Variants in UBE2L3 observed in about 807,000 individuals in gnomAD.
The protein encoded by UBE2L3 is ubiquitin conjugating enzyme E2 L3, also known as ubiquitin-conjugating enzyme E2 L3.
In UBE2L3, 1 loss-of-function variant was observed where a neutral mutation model predicts 17.8. That is an observed-to-expected ratio of 0.06 (90% CI 0.02 to 0.27). UBE2L3 has a LOEUF of 0.27. Ranked by LOEUF, UBE2L3 falls within the 10% of genes least tolerant of loss-of-function variation. The pLI is 1.00. For missense variants in UBE2L3, 40 were observed against 192.6 expected (o/e 0.21, Z 4.69); for synonymous variants, 44 against 68.5 (o/e 0.64, Z 1.76).
intron 1 of UBE2L3, among the ~76,000 whole-genome samples, chr22:21,568,776 A>G (rs933642104): frequency 1.3e-5 from 2 of 152,064 alleles, no homozygotes; most frequent in Non-Finnish European, 2.9e-5. Flanking sequence ...CTGAGGGGAG[A>G]TAAAGAGCTG....
At chr22:21,563,730 C>T (rs1479039677), upstream of UBE2L3, among the ~76,000 whole-genome samples, 1 of 150,970 alleles carries the variant, frequency 6.6e-6, no homozygotes, top group Admixed American at 6.6e-5. Context: ...GCACCCTCCA[C>T]CACACCCAGC....
intron 1 of UBE2L3, among the ~76,000 whole-genome samples, chr22:21,560,265 T>C (rs1233144650): frequency 1.6e-4 from 25 of 152,272 alleles, no homozygotes; most frequent in Admixed American, 7.2e-4. Context: ...TTGCAGGGTC[T>C]TGCCCTCTGG....
chr22:21,579,489 G>A (rs1011554954), intron 1 of UBE2L3, among the ~76,000 whole-genome samples: 11 of 152,126 alleles, frequency 7.2e-5, no homozygotes, highest in Non-Finnish European at 1.6e-4. Context: ...ATGATTTAGT[G>A]GCCAGGCACG....
At chr22:21,585,706 G>A (rs1270147059) in intron 1 of UBE2L3, among the ~76,000 whole-genome samples, 1 of 152,148 alleles carries the variant, frequency 6.6e-6, no homozygotes, top group Admixed American at 6.6e-5. Flanking sequence ...CTGGTGATAG[G>A]CAGGACAGTT....
intron 1 of UBE2L3, among the ~76,000 whole-genome samples, chr22:21,569,515 A>G (rs1926843739): frequency 6.6e-6 from 1 of 152,024 alleles, no homozygotes; most frequent in South Asian, 2.1e-4. Flanking sequence ...TCCTCCCCAG[A>G]CTACCCCTGA....
At chr22:21,599,679 A>G (rs1928749172) in intron 2 of UBE2L3, among the ~76,000 whole-genome samples, 1 of 152,242 alleles carries the variant, frequency 6.6e-6, no homozygotes, top group Admixed American at 6.5e-5. Context: ...GCATAGATGT[A>G]CAGAAATTAA....
chr22:21,617,563 G>A (rs771504296), intron 3 of UBE2L3, among the ~76,000 whole-genome samples: 3 of 152,034 alleles, frequency 2.0e-5, no homozygotes, highest in South Asian at 2.1e-4. Flanking sequence ...TGCTGCGCCC[G>A]GCCTGTTGTA....
intron 1 of UBE2L3, among the ~76,000 whole-genome samples, chr22:21,581,777 G>A: frequency 6.6e-6 from 1 of 151,058 alleles, no homozygotes; most frequent in African/African-American, 2.4e-5. Context: ...ACTCCAACCT[G>A]GGCAACAATA....
chr22:21,616,823 T>G (rs1929803506), intron 3 of UBE2L3, among the ~76,000 whole-genome samples: 1 of 152,042 alleles, frequency 6.6e-6, no homozygotes, highest in Non-Finnish European at 1.5e-5. Flanking sequence ...ACATTGACAT[T>G]TTATTCTTTG....
At chr22:21,573,905 ACCT>A (rs1361043548) in intron 1 of UBE2L3, among the ~76,000 whole-genome samples, 4 of 151,860 alleles carry the variant, frequency 2.6e-5, no homozygotes, top group Non-Finnish European at 5.9e-5. Context: ...GAGCTAGGAG[ACCT>A]CCCTCTGCCA....
chr22:21,573,896 A>G (rs1200641081), intron 1 of UBE2L3, among the ~76,000 whole-genome samples: 1 of 152,202 alleles, frequency 6.6e-6, no homozygotes, highest in Non-Finnish European at 1.5e-5. Context: ...GTTCCTCCAG[A>G]GCTAGGAGAC....
intron 3 of UBE2L3, among the ~76,000 whole-genome samples, 176 bp downstream of exon 3, chr22:21,611,219 T>G (rs1228059788): frequency 6.6e-6 from 1 of 152,164 alleles, no homozygotes; most frequent in African/African-American, 2.4e-5. Context: ...ACTTTTGACC[T>G]GTATAGGGTT....
At chr22:21,616,424 G>A (rs1929776500) in intron 3 of UBE2L3, among the ~76,000 whole-genome samples, 1 of 152,020 alleles carries the variant, frequency 6.6e-6, no homozygotes, top group Non-Finnish European at 1.5e-5. Context: ...GCCGAGGTGG[G>A]CGGATCACAA....
At chr22:21,565,032 C>A (rs1379786985), upstream of UBE2L3, among the ~76,000 whole-genome samples, 1 of 151,884 alleles carries the variant, frequency 6.6e-6, no homozygotes, top group African/African-American at 2.4e-5. Context: ...CCTCCTTTAC[C>A]GTGTCAAGCC....
intron 3 of UBE2L3, among the ~76,000 whole-genome samples, chr22:21,620,132 A>G (rs1450634337): frequency 6.6e-6 from 1 of 152,066 alleles, no homozygotes; most frequent in African/African-American, 2.4e-5. Flanking sequence ...CATCTCTACA[A>G]AAAACTAGGC....
intron 2 of UBE2L3, among the ~76,000 whole-genome samples, chr22:21,606,291 TGTGCGC>T (rs1469637240): frequency 1.4e-5 from 2 of 138,430 alleles, no homozygotes; most frequent in African/African-American, 2.5e-5. Context: ...TGCAGGAAAG[TGTGCGC>T]GCGCGCGTGT....
intron 1 of UBE2L3, among the ~76,000 whole-genome samples, chr22:21,580,682 C>G (rs1927570310): frequency 6.6e-6 from 1 of 151,974 alleles, no homozygotes; most frequent in African/African-American, 2.4e-5. Context: ...GAACTCCTGA[C>G]CTTGTGATCC....
At chr22:21,594,126 C>T (rs1487605632) in intron 2 of UBE2L3, among the ~76,000 whole-genome samples, 1 of 152,258 alleles carries the variant, frequency 6.6e-6, no homozygotes, top group East Asian at 1.9e-4. Context: ...CATCCACTCA[C>T]CTTCTCTGTT....
chr22:21,587,685 T>C (rs1182102140), intron 1 of UBE2L3, among the ~76,000 whole-genome samples: 5 of 152,230 alleles, frequency 3.3e-5, no homozygotes, highest in Non-Finnish European at 7.3e-5. Context: ...CAGTGTCCTG[T>C]TCTCCCATCT....
Sources: gnomAD v4.1 joint callset for allele counts (sites outside exome capture counted in the v4.1 genomes callset) on GRCh38, gnomAD v4.1.1 for gene constraint, MANE v1.5 for transcripts, NCBI Gene and HGNC (gene_info 2026-07-23, HGNC 2026-07-21) for gene names.